Variants in PARP8 observed in about 807,000 individuals in gnomAD.
PARP8 encodes the protein poly(ADP-ribose) polymerase family member 8.
A neutral mutation model predicts 124.1 loss-of-function variants in PARP8; 51 were observed. The observed-to-expected ratio is 0.41, with a 90% CI of 0.33 to 0.52. The LOEUF is 0.52. Ranked by LOEUF, PARP8 falls within the 20% of genes least tolerant of loss-of-function variation. PARP8 has a pLI of 0.21. For synonymous variants in PARP8, 391 were observed against 361.5 expected (o/e 1.08, Z -0.93); for missense variants, 860 against 1,018.9 (o/e 0.84, Z 2.12).
At chr5:50,733,215 A>G (rs1488702026) in intron 2 of PARP8, among the ~76,000 whole-genome samples, 1 of 151,566 alleles carries the variant, frequency 6.6e-6, no homozygotes, top group Non-Finnish European at 1.5e-5. Context: ...AATTGCTTGA[A>G]CCAGGGAGGT....
intron 25 of PARP8, among the ~76,000 whole-genome samples, chr5:50,837,929 CCTAGTTT>C (rs1747764752): frequency 6.6e-6 from 1 of 152,104 alleles, no homozygotes; most frequent in Admixed American, 6.6e-5. Flanking sequence ...CAAGCCAATT[CCTAGTTT>C]CTAGAAACTG....
chr5:50,763,934 G>A (rs1382688988), intron 7 of PARP8, among the ~76,000 whole-genome samples: 5 of 152,134 alleles, frequency 3.3e-5, no homozygotes, highest in Non-Finnish European at 7.4e-5. Context: ...CCTGACCTCA[G>A]TCTGGCCCCT....
chr5:50,821,307 A>G lies in PARP8; in HGVS notation c.1763A>G (p.Asn588Ser), dbSNP rs1580458853. 1 of 1,614,090 alleles carries G rather than the reference A, an allele frequency of 6.2e-7. No homozygotes were observed. Among genetic ancestry groups the G allele is most frequent in the Non-Finnish European group, 8.5e-7 (1 of 1,179,962 alleles). Residue 588 changes from asparagine to serine, a missense_variant, in exon 16 of 26, where the codon AAT (asparagine) becomes AGT (serine). By Grantham distance (46) the Asn-to-Ser change is conservative (BLOSUM62 1). This residue lies in a region of PARP8 where 343 missense variants were observed against 474.7 expected (regional missense o/e 0.72). Coordinates refer to ENST00000281631, the MANE Select transcript of PARP8 (RefSeq NM_024615.4). ...CCATATCCTTCTGTGGTAGATCCTA[A>G]TGATCCTCAGATGTTGGCCTTCAAC... Reference protein sequence around the residue: ...FEPYPSVVDPNDPQMLAFNPR... With the variant: ...FEPYPSVVDPSDPQMLAFNPR...
At chr5:50,733,830 A>G (rs1010767499) in intron 2 of PARP8, among the ~76,000 whole-genome samples, 2 of 152,104 alleles carry the variant, frequency 1.3e-5, no homozygotes, top group African/African-American at 4.8e-5. Context: ...ACAGTTTCTT[A>G]CAGATCTGGT....
intron 2 of PARP8, among the ~76,000 whole-genome samples, chr5:50,718,755 A>G (rs1409777416): frequency 6.6e-6 from 1 of 151,958 alleles, no homozygotes; most frequent in Non-Finnish European, 1.5e-5. Flanking sequence ...TATCTTGGCT[A>G]TTGCTAATAG....
chr5:50,842,947 T>G lies in PARP8; in HGVS notation c.*879T>G, dbSNP rs942239805. ...GAATCTATATTCAAATGATTATGTA[T>G]TTAAAAGAAAGACCTCAGAATTTAA... On this transcript the variant is annotated 3_prime_UTR_variant, in exon 26 of 26. Coordinates refer to ENST00000281631, the MANE Select transcript of PARP8 (RefSeq NM_024615.4). 2.6e-5 allele frequency: 4 copies of G among 151,850 alleles called. No homozygotes were observed. In the East Asian group the frequency reaches 7.7e-4, roughly 29 times the overall value. The allele number at this position is 151,850 out of a possible 1,614,324, so 9.4% of individuals were successfully genotyped here.
chr5:50,819,654 TG>T (rs1561428176), intron 15 of PARP8, among the ~76,000 whole-genome samples: 2 of 152,036 alleles, frequency 1.3e-5, no homozygotes, highest in Admixed American at 6.6e-5. Context: ...TTGGCCAGGC[TG>T]GTCTCGAACT....
chr5:50,698,000 G>GTC (rs1416511904), intron 2 of PARP8, among the ~76,000 whole-genome samples: 4 of 152,050 alleles, frequency 2.6e-5, no homozygotes, highest in South Asian at 2.1e-4. Flanking sequence ...AAAGCCTTCT[G>GTC]TCTCTCTCTC....
At chr5:50,808,084 A>G (rs1349750478) in intron 14 of PARP8, among the ~76,000 whole-genome samples, 2 of 151,966 alleles carry the variant, frequency 1.3e-5, no homozygotes, top group Admixed American at 6.6e-5. Flanking sequence ...AAGAACACCC[A>G]GTTATAATTT....
At chr5:50,803,447 A>G (rs1743460181) in intron 14 of PARP8, among the ~76,000 whole-genome samples, 1 of 151,904 alleles carries the variant, frequency 6.6e-6, no homozygotes, top group Admixed American at 6.6e-5. Flanking sequence ...TTCCTTCTGG[A>G]ATTTCCATTA....
chr5:50,666,919 C>CCTT lies in PARP8; in HGVS notation c.-176_-175insTTC, dbSNP rs1688581617. 2 of 1,352,490 alleles carry CCTT rather than the reference C, an allele frequency of 1.5e-6. No homozygotes were observed. Among genetic ancestry groups the CCTT allele is most frequent in the Non-Finnish European group, 1.9e-6 (2 of 1,047,126 alleles). 83.8% of individuals were successfully genotyped at this position (1,352,490 alleles called of 1,614,324 possible). ...CCGACCTCCCCCTCCTCCTCCTCCTCCCCCTCCTCCTCCTCCTCTTCTCTC... is the reference window on the plus strand; with the variant it reads ...CCGACCTCCCCCTCCTCCTCCTCCTCCTTCCCCTCCTCCTCCTCCTCTTCTCTC... On this transcript the variant is annotated 5_prime_UTR_variant, in exon 1 of 26. Transcript: ENST00000281631.
intron 14 of PARP8, among the ~76,000 whole-genome samples, chr5:50,811,217 T>C (rs1001140150): frequency 1.3e-5 from 2 of 152,140 alleles, no homozygotes; most frequent in African/African-American, 4.8e-5. Flanking sequence ...AGGTGTTTTA[T>C]TTAAAATAAT....
chr5:50,728,736 T>C (rs1289722611), intron 2 of PARP8, among the ~76,000 whole-genome samples: 15 of 152,072 alleles, frequency 9.9e-5, no homozygotes, highest in Admixed American at 2.0e-4. Flanking sequence ...ATCAAGGAAG[T>C]TAGCTGTTTT....
In PARP8 at chr5:50,668,326, G is replaced by A. The variant is rs1683074189; in HGVS notation, c.146+201G>A. The A allele has an allele frequency of 1.3e-5, 8 of 595,022 alleles. No homozygotes were observed. In the South Asian group the frequency reaches 1.4e-4, roughly 10 times the overall value. The allele number at this position is 595,022 out of a possible 1,614,324, so 36.9% of individuals were successfully genotyped here. On this transcript the variant is annotated intron_variant, in intron 2 of 25. Transcript: ENST00000281631. The stretch of plus-strand genomic sequence containing the variant: ...TCAATGTTTGATTCAGGTGTTTCGA[G>A]GACCACGCCACAGGCAATGAGCAGA...
chr5:50,706,555 G>A (rs1396906271), intron 2 of PARP8, among the ~76,000 whole-genome samples: 1 of 152,016 alleles, frequency 6.6e-6, no homozygotes, highest in African/African-American at 2.4e-5. Flanking sequence ...GTTTGGATTT[G>A]AGTTCAAGAT....
chr5:50,674,210 C>T (rs764342801), intron 2 of PARP8, among the ~76,000 whole-genome samples: 1 of 152,194 alleles, frequency 6.6e-6, no homozygotes, highest in Non-Finnish European at 1.5e-5. Context: ...TCACCTCAAC[C>T]CCAGCACATT....
chr5:50,828,924 GT>G (rs1275458555), intron 21 of PARP8, among the ~76,000 whole-genome samples: 2 of 151,906 alleles, frequency 1.3e-5, no homozygotes, highest in Non-Finnish European at 2.9e-5. Context: ...AGAAAAGAGA[GT>G]TTAATTCCCT....
At chr5:50,835,072 G>T in intron 25 of PARP8, 57 bp downstream of exon 25, 1 of 1,447,948 alleles carries the variant, frequency 6.9e-7, no homozygotes, top group Non-Finnish European at 9.6e-7. Flanking sequence ...TGGGTTAGTG[G>T]TGACTGAATT....
At chr5:50,827,908 T>A in intron 19 of PARP8, 36 bp from the exon 20 acceptor site, 1 of 1,422,292 alleles carries the variant, frequency 7.0e-7, no homozygotes, top group African/African-American at 1.4e-5. Flanking sequence ...ATGTTAAGTT[T>A]TACATGTTTT....
Sources: allele counts gnomAD v4.1 joint callset (sites outside exome capture counted in the v4.1 genomes callset), GRCh38; gene constraint gnomAD v4.1.1; regional missense constraint gnomAD v4.1.1; transcripts MANE v1.5; gene names NCBI Gene and HGNC (gene_info 2026-07-23, HGNC 2026-07-21).